The following RIMS1 variants were observed in gnomAD, a reference collection of about 807,000 sequenced individuals.
RIMS1 encodes regulating synaptic membrane exocytosis protein 1.
A neutral mutation model predicts 214.1 loss-of-function variants in RIMS1; 83 were observed. The ratio of observed to expected loss-of-function variants is 0.39; its 90% CI spans 0.32 to 0.47. The LOEUF (loss-of-function observed/expected upper bound fraction) is 0.47. Ranked by LOEUF, RIMS1 falls within the 20% of genes least tolerant of loss-of-function variation. The pLI is 0.99. For missense variants in RIMS1, 2,050 were observed against 2,161.8 expected, an observed-to-expected ratio of 0.95 and a Z score of 1.03; for synonymous variants, 793 against 786.8, an observed-to-expected ratio of 1.01 and a Z score of -0.13.
At chr6:72,195,217 C>A (rs2050677378) in intron 6 of RIMS1, among the ~76,000 whole-genome samples, 1 of 152,166 alleles carries the variant, frequency 6.6e-6, no homozygotes. Flanking sequence ...CCTTCTTTAT[C>A]TTCTCCATGC....
intron 2 of RIMS1, among the ~76,000 whole-genome samples, chr6:71,977,083 C>T (rs1341622663): frequency 1.3e-5 from 2 of 152,112 alleles, no homozygotes; most frequent in East Asian, 3.9e-4. Flanking sequence ...TCAGGGACAA[C>T]ACAAAAGAAT....
At chr6:72,347,261 G>A (rs1478972107) in intron 29 of RIMS1, among the ~76,000 whole-genome samples, 1 of 151,808 alleles carries the variant, frequency 6.6e-6, no homozygotes, top group Non-Finnish European at 1.5e-5. Flanking sequence ...TTCCCAGTTG[G>A]GGGCTCAAGG....
intron 4 of RIMS1, among the ~76,000 whole-genome samples, chr6:72,170,875 T>G (rs1226211621): frequency 6.6e-6 from 1 of 152,206 alleles, no homozygotes; most frequent in African/African-American, 2.4e-5. Context: ...AAATGTTGTA[T>G]GATGCTAATA....
intron 24 of RIMS1, among the ~76,000 whole-genome samples, chr6:72,287,369 A>G (rs1327115561): frequency 6.6e-6 from 1 of 152,220 alleles, no homozygotes; most frequent in Non-Finnish European, 1.5e-5. Context: ...AGGCTTTGGT[A>G]GAAGCAATTT....
At chr6:72,257,852 A>G (rs2076513097) in intron 16 of RIMS1, among the ~76,000 whole-genome samples, 1 of 152,092 alleles carries the variant, frequency 6.6e-6, no homozygotes, top group Admixed American at 6.6e-5. Flanking sequence ...CAGTATCCCA[A>G]CTCATCGTAA....
chr6:72,387,223 G>A (rs947628116), intron 29 of RIMS1, among the ~76,000 whole-genome samples: 3 of 152,216 alleles, frequency 2.0e-5, no homozygotes, highest in Non-Finnish European at 4.4e-5. Flanking sequence ...ACCTGAACCC[G>A]CCATATTGTT....
rs1208399374 is a variant in RIMS1, at chr6:72,237,874, A to G, written c.1909A>G (p.Lys637Glu). 1 of 1,613,446 alleles carries G rather than the reference A, an allele frequency of 6.2e-7. No homozygotes were observed. Among genetic ancestry groups the G allele is most frequent in the Non-Finnish European group, 8.5e-7 (1 of 1,179,706 alleles). ...AGGACGACTTGGTGCTTTCATCACCAAAGTAAAGAAGGGTAGCCTAGCAGA... is the reference window on the plus strand; with the variant it reads ...AGGACGACTTGGTGCTTTCATCACCGAAGTAAAGAAGGGTAGCCTAGCAGA... ...DLGRLGAFIT[K>E]VKKGSLADVV... is the part of the protein sequence containing the mutation. Residue 637 changes from lysine (K) to glutamate (E), a missense_variant, in exon 9 of 34, where the codon AAA (lysine) becomes GAA (glutamate). Coordinates refer to ENST00000521978, the MANE Select transcript of RIMS1 (RefSeq NM_014989.7).
intron 23 of RIMS1, among the ~76,000 whole-genome samples, chr6:72,279,440 T>C (rs1015915854): frequency 1.3e-5 from 2 of 152,006 alleles, no homozygotes; most frequent in Admixed American, 6.6e-5. Flanking sequence ...CTTTAGTACA[T>C]TGTGAACTAG....
intron 6 of RIMS1, among the ~76,000 whole-genome samples, chr6:72,191,535 C>A (rs571647695): frequency 6.6e-6 from 1 of 152,226 alleles, no homozygotes; most frequent in African/African-American, 2.4e-5. Flanking sequence ...GAAAAGCAAT[C>A]AAGCTCTCTC....
chr6:72,175,295 A>T (rs2047545177), intron 4 of RIMS1: 1 of 231,708 alleles, frequency 4.3e-6, no homozygotes, highest in Non-Finnish European at 9.0e-6. Context: ...CTCTTTTTCT[A>T]AACCTTCATG....
Position 72,127,547 on chromosome 6 carries a change from G to A in RIMS1, c.471+27561G>A, listed in dbSNP as rs114086695. The stretch of plus-strand genomic sequence containing the variant: ...AATTCTCCCAGGACCTCAGAGACAT[G>A]CCTTATATAGACACTATCAAAGCAT... On this transcript the variant is annotated intron_variant, in intron 4 of 33. Coordinates refer to ENST00000521978, the MANE Select transcript of RIMS1 (RefSeq NM_014989.7). 3.0e-3 allele frequency among the ~76,000 whole-genome samples: 457 copies of A among 152,156 alleles called. 1 individual carries two copies. The highest frequency in any genetic ancestry group is 0.011 in the African/African-American group (438 of 41,516).
intron 1 of RIMS1, among the ~76,000 whole-genome samples, chr6:71,960,407 C>T (rs560897274): frequency 6.6e-6 from 1 of 152,260 alleles, no homozygotes; most frequent in African/African-American, 2.4e-5. Context: ...TTAAGATAAC[C>T]TATGTTAGTT....
intron 17 of RIMS1, among the ~76,000 whole-genome samples, chr6:72,258,702 T>C (rs1450028670): frequency 6.6e-6 from 1 of 152,192 alleles, no homozygotes; most frequent in Non-Finnish European, 1.5e-5. Flanking sequence ...CATATAGTGC[T>C]CTACTTCATT....
chr6:72,152,727 TATATGGA>T (rs1397966567), intron 4 of RIMS1, among the ~76,000 whole-genome samples: 1 of 141,916 alleles, frequency 7.0e-6, no homozygotes, highest in Admixed American at 7.5e-5. Flanking sequence ...TGAATATATA[TATATGGA>T]ATATATGTAT....
chr6:71,912,993 C>T (rs755933224), intron 1 of RIMS1, among the ~76,000 whole-genome samples: 1 of 152,032 alleles, frequency 6.6e-6, no homozygotes, highest in Non-Finnish European at 1.5e-5. Context: ...GTTCTGAAAA[C>T]AATTGAATCT....
At chr6:72,217,089 G>C in intron 6 of RIMS1, 3 of 1,508,538 alleles carry the variant, frequency 2.0e-6, no homozygotes, top group Non-Finnish European at 2.6e-6. Context: ...TTGTATTTTG[G>C]TGGATTTTTT....
At position 71,886,729 on chromosome 6, in the gene RIMS1, G is replaced by T. The variant is rs1455761492; in HGVS notation, c.-295G>T. The stretch of plus-strand genomic sequence containing the variant: ...TCTCCCGCCGCGCCTCCGCCTGCCC[G>T]CCCCCGCCGGCCGAGGCTGGGCTGC... On this transcript the variant is annotated 5_prime_UTR_variant, in exon 1 of 34. Transcript: ENST00000521978. 5.1e-6 allele frequency: 1 copy of T among 196,348 alleles called. No individual in the cohort carries two copies. Among genetic ancestry groups the T allele is most frequent in the East Asian group, 1.1e-4 (1 of 8,718 alleles). 12.2% of individuals were successfully genotyped at this position (196,348 alleles called of 1,614,324 possible). A position where few individuals can be genotyped will look rare whatever the true frequency, so the allele number is the denominator to read the frequency against.
At chr6:72,368,591 T>G (rs1314714475) in intron 29 of RIMS1, among the ~76,000 whole-genome samples, 2 of 152,036 alleles carry the variant, frequency 1.3e-5, no homozygotes, top group Non-Finnish European at 2.9e-5. Flanking sequence ...CAGTTAATGT[T>G]ATAAGTTTTA....
chr6:72,191,504 A>G (rs1588857250), intron 6 of RIMS1, among the ~76,000 whole-genome samples: 1 of 152,220 alleles, frequency 6.6e-6, no homozygotes, highest in East Asian at 1.9e-4. Flanking sequence ...GTAATGGACC[A>G]GTGTGATACC....
Sources: gnomAD v4.1 joint callset for allele counts (sites outside exome capture counted in the v4.1 genomes callset) on GRCh38, gnomAD v4.1.1 for gene constraint, MANE v1.5 for transcripts, NCBI Gene and HGNC (gene_info 2026-07-23, HGNC 2026-07-21) for gene names.